SLC2A2: variants seen among roughly 807,000 people sequenced by gnomAD.
SLC2A2 encodes solute carrier family 2, facilitated glucose transporter member 2.
SLC2A2 carries 36 observed loss-of-function variants against 54.5 expected under a neutral mutation model. The ratio of observed to expected loss-of-function variants is 0.66; its 90% CI spans 0.51 to 0.87. The LOEUF (loss-of-function observed/expected upper bound fraction) is 0.87. SLC2A2 is among the 40% of genes least tolerant of loss of function. SLC2A2 has a pLI of 0.00. For synonymous variants in SLC2A2, 223 were observed against 219.1 expected, an observed-to-expected ratio of 1.02 and a Z score of -0.16; for missense variants, 543 against 624.3, an observed-to-expected ratio of 0.87 and a Z score of 1.39.
In SLC2A2 at chr3:170,997,594, G is replaced by A. The variant is rs1269066216; in HGVS notation, c.*309C>T. On this transcript the variant is annotated 3_prime_UTR_variant, in exon 11 of 11. Transcript: ENST00000314251. ...TTATGTGTTAAAAAAATGATATGTT[G>A]AAATCTCTTCAATTTTAGAAGAACC... is the stretch of plus-strand genomic sequence containing the variant. 3.7e-5 allele frequency: 11 copies of A among 296,300 alleles called. No homozygotes were observed. The highest frequency in any genetic ancestry group is 6.3e-5 in the Non-Finnish European group (10 of 159,938). The allele number at this position is 296,300 out of a possible 1,614,324, so 18.4% of individuals were successfully genotyped here.
chr3:171,017,807 T>C (rs1057489725), intron 2 of SLC2A2, among the ~76,000 whole-genome samples: 1 of 152,214 alleles, frequency 6.6e-6, no homozygotes, highest in African/African-American at 2.4e-5. Flanking sequence ...CTCCCATGTA[T>C]TCACTGAATA....
At chr3:171,006,998 T>C in intron 5 of SLC2A2, 150 bp downstream of exon 5, 1 of 677,494 alleles carries the variant, frequency 1.5e-6, no homozygotes, top group Non-Finnish European at 2.8e-6. Context: ...GGCTTTTCTC[T>C]CTGTGCTGGT....
At chr3:171,013,537 A>G (rs1715985061) in intron 3 of SLC2A2, among the ~76,000 whole-genome samples, 1 of 152,164 alleles carries the variant, frequency 6.6e-6, no homozygotes, top group African/African-American at 2.4e-5. Context: ...AAGAGTTATC[A>G]GAATTTTAAT....
intron 3 of SLC2A2, among the ~76,000 whole-genome samples, chr3:171,013,230 A>C (rs936412369): frequency 6.6e-6 from 1 of 152,180 alleles, no homozygotes; most frequent in African/African-American, 2.4e-5. Context: ...CTTTAGCAAT[A>C]AATAATTAAT....
At chr3:171,006,975 C>A (rs1025738626) in intron 5 of SLC2A2, among the ~76,000 whole-genome samples, 173 bp downstream of exon 5, 18 of 152,064 alleles carry the variant, frequency 1.2e-4, no homozygotes, top group African/African-American at 4.3e-4. Flanking sequence ...CCTCCACTAC[C>A]ACTGGTAGAA....
At chr3:171,005,867 A>T (rs1458844427) in intron 6 of SLC2A2, 76 bp downstream of exon 6, 12 of 1,398,950 alleles carry the variant, frequency 8.6e-6, no homozygotes, top group Non-Finnish European at 1.2e-5. Context: ...CACCAACTTC[A>T]TGTGGAAAGC....
At position 170,996,773 on chromosome 3, in the gene SLC2A2, C is replaced by T. The variant is rs1221835181; in HGVS notation, c.*1130G>A. On this transcript the variant is annotated 3_prime_UTR_variant, in exon 11 of 11. Transcript: ENST00000314251. ...ACAAAGAAGGAAATGTCAAAGGAGA[C>T]GATTATTTTATGTTAGGAACACACC... is the stretch of plus-strand genomic sequence containing the variant. 5 of 395,480 alleles carry T rather than the reference C, an allele frequency of 1.3e-5. No homozygotes were observed. The highest frequency in any genetic ancestry group is 2.1e-5 in the African/African-American group (1 of 48,452). The allele number at this position is 395,480 out of a possible 1,614,324, so 24.5% of individuals were successfully genotyped here.
At chr3:171,025,852 T>G (rs1396217272) in intron 1 of SLC2A2, among the ~76,000 whole-genome samples, 1 of 152,194 alleles carries the variant, frequency 6.6e-6, no homozygotes, top group Non-Finnish European at 1.5e-5. Context: ...TTTTTAAGTT[T>G]TTTTTTAAAG....
chr3:170,998,249 C>T lies in SLC2A2; in HGVS notation c.1318G>A (p.Ala440Thr). Residue 440 changes from alanine to threonine, a missense_variant, in exon 10 of 11, where the codon GCA (alanine) becomes ACA (threonine). By Grantham distance (58) the Ala-to-Thr change is moderately conservative (BLOSUM62 0). Coordinates refer to ENST00000314251, the MANE Select transcript of SLC2A2 (RefSeq NM_000340.2). ...GPRPAALAIA[A>T]FSNWTCNFIV... ...AAATTGCAGGTCCAATTGCTGAATG[C>T]AGCTATTGCTAAAGCAGCAGGACGT... 2 of 1,613,812 alleles carry T rather than the reference C, an allele frequency of 1.2e-6. No homozygotes were observed. Among genetic ancestry groups the T allele is most frequent in the East Asian group, 2.2e-5 (1 of 44,868 alleles).
At chr3:171,005,203 T>C (rs1434979614) in intron 7 of SLC2A2, 82 bp downstream of exon 7, 18 of 1,101,356 alleles carry the variant, frequency 1.6e-5, no homozygotes, top group African/African-American at 4.6e-5. Flanking sequence ...AAATATCTTT[T>C]AGCTATTTAA....
At chr3:171,002,394 C>G (rs1163268932) in intron 8 of SLC2A2, among the ~76,000 whole-genome samples, 182 bp downstream of exon 8, 1 of 151,972 alleles carries the variant, frequency 6.6e-6, no homozygotes, top group Non-Finnish European at 1.5e-5. Context: ...TCAGTTATGC[C>G]TAATCTCAAT....
chr3:170,998,046 G>T lies in SLC2A2; in HGVS notation c.1432C>A (p.Leu478Met). The change falls in exon 11 of 11, where the codon CTG (leucine) becomes ATG (methionine). Residue 478 changes from leucine (L) to methionine (M), a missense_variant. Leu to Met is a conservative substitution (Grantham distance 15). Transcript: ENST00000314251. The stretch of plus-strand genomic sequence containing the variant: ...TCTGGAACTTTAAAAAATGTGAACA[G>T]GGTAAAGGCCAGGAGCACTCCAGCA... ...LFAGVLLAFT[L>M]FTFFKVPETK... The T allele has an allele frequency of 6.2e-7, 1 of 1,613,612 alleles. No individual in the cohort carries two copies. The highest frequency in any genetic ancestry group is 8.5e-7 in the Non-Finnish European group (1 of 1,179,790).
At position 171,014,498 on chromosome 3, in the gene SLC2A2, A is replaced by G; in HGVS notation, c.342T>C (p.Phe114=). 6.2e-7 allele frequency: 1 copy of G among 1,614,200 alleles called. No individual in the cohort carries two copies. The highest frequency in any genetic ancestry group is 8.5e-7 in the Non-Finnish European group (1 of 1,180,008). The part of the protein sequence containing the change: ...FAVGGMTASF[F]GGWLGDTLGR... ...CAAGTGTGTCCCCAAGCCACCCACC[A>G]AAGAATGATGCAGTCATTCCACCAA... is the stretch of plus-strand genomic sequence containing the variant. Residue 114 remains phenylalanine, a synonymous_variant, in exon 3 of 11, where the codon TTT becomes TTC. Coordinates refer to ENST00000314251, the MANE Select transcript of SLC2A2 (RefSeq NM_000340.2).
chr3:171,010,854 T>C (rs1715850996), intron 3 of SLC2A2, among the ~76,000 whole-genome samples: 1 of 152,082 alleles, frequency 6.6e-6, no homozygotes, highest in Admixed American at 6.6e-5. Flanking sequence ...CAGATGAAAA[T>C]TGACAACATT....
At chr3:171,014,446 G>A (rs781101254) in intron 3 of SLC2A2, 23 bp downstream of exon 3, 2 of 1,611,352 alleles carry the variant, frequency 1.2e-6, no homozygotes, top group South Asian at 1.1e-5. Flanking sequence ...TTCTGTTTAT[G>A]CTTATTTATG....
chr3:171,005,835 G>T, intron 6 of SLC2A2, 108 bp downstream of exon 6: 1 of 1,143,884 alleles, frequency 8.7e-7, no homozygotes, highest in Non-Finnish European at 1.3e-6. Flanking sequence ...AAGCGATTTT[G>T]CACATTCTTC....
chr3:171,020,134 G>T (rs1156434574), intron 1 of SLC2A2, among the ~76,000 whole-genome samples: 1 of 152,084 alleles, frequency 6.6e-6, no homozygotes, highest in Non-Finnish European at 1.5e-5. Flanking sequence ...TCTAAATTGT[G>T]GGGTGATAGT....
At chr3:171,025,274 TG>T (rs1336319524) in intron 1 of SLC2A2, among the ~76,000 whole-genome samples, 1 of 150,652 alleles carries the variant, frequency 6.6e-6, no homozygotes, top group Non-Finnish European at 1.5e-5. Flanking sequence ...AACATATAAA[TG>T]GTGCTTATAT....
intron 8 of SLC2A2, among the ~76,000 whole-genome samples, chr3:170,999,933 G>A (rs1715269323): frequency 6.6e-6 from 1 of 152,066 alleles, no homozygotes; most frequent in Non-Finnish European, 1.5e-5. Context: ...CAAGACCAGA[G>A]TTTGTTATAC....
Sources: gnomAD v4.1 joint callset for allele counts (sites outside exome capture counted in the v4.1 genomes callset) on GRCh38, gnomAD v4.1.1 for gene constraint, MANE v1.5 for transcripts, NCBI Gene and HGNC (gene_info 2026-07-23, HGNC 2026-07-21) for gene names.